Variants in ZNF596 observed in about 807,000 individuals in gnomAD.
The protein encoded by ZNF596 is zinc finger protein 596.
ZNF596 carries 45 observed loss-of-function variants against 48.3 expected under a neutral mutation model. The observed-to-expected ratio is 0.93, with a 90% CI of 0.73 to 1.19. ZNF596 has a LOEUF of 1.19. ZNF596 is among the 50% of genes most tolerant of loss of function. The probability of loss-of-function intolerance (pLI) is 0.00; values close to 1 mark genes in which losing one functional copy is unlikely to be tolerated. For missense variants in ZNF596, 848 were observed against 599.7 expected (o/e 1.41, Z -4.32); for synonymous variants, 270 against 202.0 (o/e 1.34, Z -2.85).
At chr8:233,954 T>C (rs1450024339) in intron 1 of ZNF596, among the ~76,000 whole-genome samples, 4 of 152,326 alleles carry the variant, frequency 2.6e-5, no homozygotes, top group African/African-American at 9.6e-5. Flanking sequence ...TGTTACTCTC[T>C]ACTGGCTTCT....
chr8:241,117 A>G (rs142009943), intron 2 of ZNF596, among the ~76,000 whole-genome samples: 2 of 152,194 alleles, frequency 1.3e-5, no homozygotes, highest in African/African-American at 4.8e-5. Flanking sequence ...TCCAGCCTCT[A>G]CTAAGGCTGT....
At chr8:243,616 C>A (rs1474858368) in intron 3 of ZNF596, 106 bp from the exon 4 acceptor site, 7 of 1,041,624 alleles carry the variant, frequency 6.7e-6, no homozygotes, top group Non-Finnish European at 1.0e-5. Flanking sequence ...CCAGGCTGAC[C>A]TTCAGTGGCT....
rs933578413 is a variant in ZNF596 at position 246,700 on chromosome 8, T to G, written c.*338T>G. The G allele has an allele frequency of 1.4e-5, 3 of 207,310 alleles. No individual in the cohort carries two copies. 12.8% of individuals were successfully genotyped at this position (207,310 alleles called of 1,614,324 possible). A position where few individuals can be genotyped will look rare whatever the true frequency, so the allele number is the denominator to read the frequency against. On this transcript the variant is annotated 3_prime_UTR_variant, in exon 6 of 6. Transcript: ENST00000398612. ...AAATGCCTTTGCTGATAATTTATCC[T>G]CTAAACAAATGAGTAAAATCCACAG... is the stretch of plus-strand genomic sequence containing the variant.
At chr8:235,300 A>G (rs12676364) in intron 1 of ZNF596, among the ~76,000 whole-genome samples, 5,235 of 152,300 alleles carry the variant, frequency 0.034, 112 homozygotes, top group Non-Finnish European at 0.046. Context: ...CTGCTCTGCA[A>G]ATGTCTGAGG....
intron 1 of ZNF596, among the ~76,000 whole-genome samples, chr8:239,296 C>G (rs1293929025): frequency 6.6e-6 from 1 of 152,202 alleles, no homozygotes; most frequent in Non-Finnish European, 1.5e-5. Flanking sequence ...TCAAGCGATT[C>G]TCATACCTCA....
chr8:241,713 A>G (rs1410484645), intron 2 of ZNF596, among the ~76,000 whole-genome samples: 1 of 152,190 alleles, frequency 6.6e-6, no homozygotes, highest in Non-Finnish European at 1.5e-5. Flanking sequence ...AAGAAACAAA[A>G]TAGAATAGTA....
chr8:235,581 G>T (rs1346916310), intron 1 of ZNF596, among the ~76,000 whole-genome samples: 1 of 151,856 alleles, frequency 6.6e-6, no homozygotes. Flanking sequence ...AGACATATGT[G>T]TAAAATGAAT....
At position 245,368 on chromosome 8, in the gene ZNF596, A is replaced by C; in HGVS notation, c.521A>C (p.Tyr174Ser). 6.2e-7 allele frequency: 1 copy of C among 1,614,186 alleles called. No individual in the cohort carries two copies. Among genetic ancestry groups the C allele is most frequent in the Non-Finnish European group, 8.5e-7 (1 of 1,179,996 alleles). The change falls in exon 6 of 6, where the codon TAT becomes TCT. Residue 174 changes from tyrosine (Y) to serine (S), a missense_variant. Coordinates refer to ENST00000398612, the MANE Select transcript of ZNF596 (RefSeq NM_001042416.3). ...CKSYGSHLFD[Y>S]AFIQNSALRP... ...TCATATGGAAGTCATCTATTTGATT[A>C]TGCCTTTATCCAAAACTCTGCCCTT...
At chr8:243,131 A>C in intron 3 of ZNF596, 118 bp downstream of exon 3, 4 of 888,790 alleles carry the variant, frequency 4.5e-6, no homozygotes, top group Non-Finnish European at 6.3e-6. Flanking sequence ...CTATCACTTC[A>C]ACTTCTGCTT....
At chr8:236,009 T>C (rs1796600408) in intron 1 of ZNF596, among the ~76,000 whole-genome samples, 1 of 152,198 alleles carries the variant, frequency 6.6e-6, no homozygotes. Context: ...CATGGGACTT[T>C]TAAGTCTAGG....
chr8:232,414 G>C (rs1039849951), upstream of ZNF596: 1 of 210,492 alleles, frequency 4.8e-6, no homozygotes, highest in Admixed American at 6.0e-5. Context: ...AGGTCCGCTC[G>C]GGTGAGTGCC....
intron 1 of ZNF596, chr8:240,347 G>C (rs942162288): frequency 2.6e-5 from 4 of 153,346 alleles, no homozygotes; most frequent in Non-Finnish European, 4.4e-5. Context: ...ACATGGAAGA[G>C]ACAGAATCAT....
In ZNF596 at chr8:246,396, C is replaced by G; in HGVS notation, c.*34C>G. On this transcript the variant is annotated 3_prime_UTR_variant, in exon 6 of 6. Transcript: ENST00000398612. ...AGCTGTAGCGTTAACACTAAATACA[C>G]CAAGGACAAACATACTACAGGAATA... 6.5e-7 allele frequency: 1 copy of G among 1,534,740 alleles called. No individual in the cohort carries two copies. Among genetic ancestry groups the G allele is most frequent in the Non-Finnish European group, 8.7e-7 (1 of 1,148,266 alleles).
At chr8:236,734 A>G (rs1007271906) in intron 1 of ZNF596, among the ~76,000 whole-genome samples, 3 of 152,230 alleles carry the variant, frequency 2.0e-5, no homozygotes, top group Admixed American at 6.5e-5. Context: ...TATTATTGCA[A>G]TAAACTCCAC....
chr8:242,287 A>G (rs1796883332), intron 2 of ZNF596, among the ~76,000 whole-genome samples: 1 of 152,232 alleles, frequency 6.6e-6, no homozygotes, highest in Non-Finnish European at 1.5e-5. Flanking sequence ...ATCTGCTGAT[A>G]CCAAGTTCTA....
At chr8:241,938 CTG>C (rs1241178044) in intron 2 of ZNF596, among the ~76,000 whole-genome samples, 3 of 152,156 alleles carry the variant, frequency 2.0e-5, no homozygotes, top group African/African-American at 7.2e-5. Flanking sequence ...ATGCCACACA[CTG>C]TTAAATCATC....
intron 3 of ZNF596, 81 bp from the exon 4 acceptor site, chr8:243,641 A>C: frequency 7.1e-7 from 1 of 1,402,032 alleles, no homozygotes; most frequent in South Asian, 1.2e-5. Context: ...TATCCTTCCC[A>C]GTAGGCTGCC....
At position 246,101 on chromosome 8, in the gene ZNF596, A is replaced by G. The variant is rs763998457; in HGVS notation, c.1254A>G (p.Pro418=). The change falls in exon 6 of 6, where the codon CCA becomes CCG. Residue 418 remains proline, a synonymous_variant. Coordinates refer to ENST00000398612, the MANE Select transcript of ZNF596 (RefSeq NM_001042416.3). ...RHERTHTGEK[P]YECHLCGKAF... ...AGAGAACTCACACTGGAGAAAAACC[A>G]TATGAATGCCATCTATGCGGAAAAG... 2 of 1,613,414 alleles carry G rather than the reference A, an allele frequency of 1.2e-6. No individual in the cohort carries two copies. Among genetic ancestry groups the G allele is most frequent in the Non-Finnish European group, 1.7e-6 (2 of 1,179,454 alleles).
chr8:239,933 AAG>A (rs1170866892), intron 1 of ZNF596, among the ~76,000 whole-genome samples: 1 of 152,170 alleles, frequency 6.6e-6, no homozygotes, highest in African/African-American at 2.4e-5. Context: ...ATTAGAACAG[AAG>A]ACACTCTTAT....
Sources: allele counts gnomAD v4.1 joint callset (sites outside exome capture counted in the v4.1 genomes callset), GRCh38; gene constraint gnomAD v4.1.1; transcripts MANE v1.5; gene names NCBI Gene and HGNC (gene_info 2026-07-23, HGNC 2026-07-21).